Variants in FAT3 observed in about 807,000 individuals in gnomAD.
The protein encoded by FAT3 is FAT atypical cadherin 3.
Under a neutral mutation model 310.2 loss-of-function variants are expected in FAT3, and 95 were observed. The ratio of observed to expected loss-of-function variants is 0.31; its 90% CI spans 0.26 to 0.36. The LOEUF is 0.36. Ranked by LOEUF, FAT3 falls within the 10% of genes least tolerant of loss-of-function variation. The pLI is 1.00. For synonymous variants in FAT3, 2,314 were observed against 2,192.9 expected, an observed-to-expected ratio of 1.06 and a Z score of -1.54; for missense variants, 5,408 against 5,715.6, an observed-to-expected ratio of 0.95 and a Z score of 1.74.
At chr11:92,483,218 G>A (rs1032751466) in intron 2 of FAT3, among the ~76,000 whole-genome samples, 2 of 152,158 alleles carry the variant, frequency 1.3e-5, no homozygotes, top group African/African-American at 2.4e-5. Flanking sequence ...TCTGGAAGGA[G>A]TGCATTTGTC....
chr11:92,234,050 G>A (rs1055166188), intron 1 of FAT3, among the ~76,000 whole-genome samples: 1 of 152,158 alleles, frequency 6.6e-6, no homozygotes, highest in African/African-American at 2.4e-5. Context: ...TAATCCAAGT[G>A]AATAAACCTA....
At chr11:92,320,805 G>T (rs1947594944) in intron 1 of FAT3, among the ~76,000 whole-genome samples, 1 of 151,244 alleles carries the variant, frequency 6.6e-6, no homozygotes, top group South Asian at 2.1e-4. Context: ...AGGAGGCAGA[G>T]GTTGCAGTGA....
chr11:92,616,449 C>G (rs991172627), intron 3 of FAT3, among the ~76,000 whole-genome samples: 6 of 152,032 alleles, frequency 3.9e-5, no homozygotes, highest in African/African-American at 1.4e-4. Flanking sequence ...AGTCTGTGTC[C>G]TTTAATTGGA....
Position 92,261,517 on chromosome 11 carries a change from C to A in FAT3, c.-18+36343C>A, listed in dbSNP as rs551290885. 3.9e-5 allele frequency among the ~76,000 whole-genome samples: 6 copies of A among 152,154 alleles called. 1 individual carries two copies. In the South Asian group the frequency reaches 1.2e-3, roughly 32 times the overall value. On this transcript the variant is annotated intron_variant, in intron 1 of 27. Coordinates refer to ENST00000525166, the MANE Select transcript of FAT3 (RefSeq NM_001367949.2). ...TTTAGTTTTCTCTTGCTCTTTTTGT[C>A]TTTTAACTTGGCTATTTTCTTATAT...
Position 92,891,345 on chromosome 11 carries a change from G to GGT in FAT3, c.*233_*234dup, listed in dbSNP as rs1325807395. 6.8e-6 allele frequency: 4 copies of GGT among 584,492 alleles called. No individual in the cohort carries two copies. The highest frequency in any genetic ancestry group is 1.2e-5 in the Non-Finnish European group (4 of 336,708). 36.2% of individuals were successfully genotyped at this position (584,492 alleles called of 1,614,324 possible). A position where few individuals can be genotyped will look rare whatever the true frequency, so the allele number is the denominator to read the frequency against. On this transcript the variant is annotated 3_prime_UTR_variant, in exon 28 of 28. Coordinates refer to ENST00000525166, the MANE Select transcript of FAT3 (RefSeq NM_001367949.2). ...GAGGTGACTGGTAATCCTTGATGTA[G>GGT]GTACCTATGTTCACAGCTAAAAATG...
chr11:92,787,278 G>C (rs1392814982), intron 7 of FAT3, among the ~76,000 whole-genome samples: 1 of 151,836 alleles, frequency 6.6e-6, no homozygotes, highest in Non-Finnish European at 1.5e-5. Flanking sequence ...TATTTTTAAA[G>C]TTATCTGTAG....
At chr11:92,617,852 C>G (rs1940886058) in intron 3 of FAT3, among the ~76,000 whole-genome samples, 1 of 152,166 alleles carries the variant, frequency 6.6e-6, no homozygotes, top group African/African-American at 2.4e-5. Flanking sequence ...GATGCTTCAT[C>G]TCAGAGGGGC....
At chr11:92,478,710 G>T (rs1164496196) in intron 2 of FAT3, among the ~76,000 whole-genome samples, 2 of 151,800 alleles carry the variant, frequency 1.3e-5, no homozygotes, top group African/African-American at 4.8e-5. Flanking sequence ...TCTGCCTCCT[G>T]GGTTCAAGTG....
chr11:92,294,718 A>G (rs899133054), intron 1 of FAT3, among the ~76,000 whole-genome samples: 1 of 151,636 alleles, frequency 6.6e-6, no homozygotes, highest in Admixed American at 6.6e-5. Context: ...GCTGGATTAT[A>G]TGAGCCTTTT....
chr11:92,314,448 C>G (rs746218931), intron 1 of FAT3: 20 of 203,840 alleles, frequency 9.8e-5, no homozygotes, highest in Non-Finnish European at 1.5e-4. Flanking sequence ...TCTCCCGAAG[C>G]AGTAGAGGGG....
chr11:92,594,387 A>G (rs922752852), intron 3 of FAT3, among the ~76,000 whole-genome samples: 5 of 152,152 alleles, frequency 3.3e-5, no homozygotes, highest in Non-Finnish European at 7.3e-5. Context: ...TGTTGCAGTG[A>G]GCCAAGATTG....
intron 2 of FAT3, among the ~76,000 whole-genome samples, chr11:92,472,977 A>G (rs949245404): frequency 1.3e-5 from 2 of 152,030 alleles, no homozygotes; most frequent in Non-Finnish European, 2.9e-5. Context: ...GTTCCTCCAC[A>G]TTTTTGGAAT....
intron 3 of FAT3, among the ~76,000 whole-genome samples, chr11:92,544,398 T>C (rs929192744): frequency 6.6e-6 from 1 of 152,160 alleles, no homozygotes; most frequent in African/African-American, 2.4e-5. Context: ...AAAAGACAAA[T>C]ATTTCAGGTG....
chr11:92,344,853 C>A (rs1948367101), intron 1 of FAT3, among the ~76,000 whole-genome samples: 1 of 152,076 alleles, frequency 6.6e-6, no homozygotes, highest in African/African-American at 2.4e-5. Flanking sequence ...AACGTACCCC[C>A]CTCAGATAAG....
intron 4 of FAT3, among the ~76,000 whole-genome samples, chr11:92,704,374 G>T (rs1475620745): frequency 6.6e-6 from 1 of 152,268 alleles, no homozygotes; most frequent in East Asian, 1.9e-4. Context: ...TACCAGCTTG[G>T]ACTCAGCAGA....
intron 1 of FAT3, among the ~76,000 whole-genome samples, chr11:92,229,132 T>C (rs1338081754): frequency 6.6e-6 from 1 of 152,208 alleles, no homozygotes; most frequent in East Asian, 1.9e-4. Context: ...TTTCTACAGA[T>C]ATGCATGGTC....
chr11:92,364,788 G>A (rs1948973986), intron 2 of FAT3, among the ~76,000 whole-genome samples: 1 of 152,150 alleles, frequency 6.6e-6, no homozygotes, highest in Non-Finnish European at 1.5e-5. Flanking sequence ...GGATGTTGTA[G>A]GACTTAGTGG....
chr11:92,514,780 A>G lies in FAT3; in HGVS notation c.3293-9854A>G, dbSNP rs557430148. ...AGAAATCGTTATCTTTTGATACTGA[A>G]AGAGCTGTCACAGAAGAAAGATTGT... On this transcript the variant is annotated intron_variant, in intron 2 of 27. Transcript: ENST00000525166. Among the ~76,000 whole-genome samples the G allele has an allele frequency of 1.2e-4, 19 of 152,314 alleles. No individual in the cohort carries two copies. In the South Asian group the frequency reaches 3.3e-3, roughly 27 times the overall value.
At chr11:92,242,796 A>G (rs1253917918) in intron 1 of FAT3, among the ~76,000 whole-genome samples, 1 of 152,054 alleles carries the variant, frequency 6.6e-6, no homozygotes, top group East Asian at 1.9e-4. Context: ...ATCCTGATAT[A>G]GGAGCTGGGC....
Sources: gnomAD v4.1 joint callset for allele counts (sites outside exome capture counted in the v4.1 genomes callset) on GRCh38, gnomAD v4.1.1 for gene constraint, MANE v1.5 for transcripts, NCBI Gene and HGNC (gene_info 2026-07-23, HGNC 2026-07-21) for gene names.